PRR33: variants seen among roughly 807,000 people sequenced by gnomAD.
PRR33 encodes proline-rich protein 33.
A neutral mutation model predicts 0.5 loss-of-function variants in PRR33; 1 was observed. That is an observed-to-expected ratio of 2.18 (90% CI 0.77 to 10.34). The LOEUF (loss-of-function observed/expected upper bound fraction) is 10.34, where lower values mean the gene tolerates loss of function less well. Among genes scored for constraint, PRR33 ranks in the 30% most tolerant of loss-of-function variants. The probability of loss-of-function intolerance (pLI) is 0.13; values close to 1 mark genes in which losing one functional copy is unlikely to be tolerated. For synonymous variants in PRR33, 226 were observed against 110.0 expected (o/e 2.06, Z -6.60); for missense variants, 552 against 251.8 (o/e 2.19, Z -8.07).
exon 1 of PRR33, chr11:1,890,612 T>C (rs1192929765): frequency 4.3e-6 from 3 of 694,950 alleles, no homozygotes; most frequent in Non-Finnish European, 7.9e-6. Flanking sequence ...GGAGGGACAG[T>C]GGTCAGGCCA....
At chr11:1,898,191 A>G in the PRR33 span, among the ~76,000 whole-genome samples, 2 of 151,964 alleles carry the variant, frequency 1.3e-5, no homozygotes, top group African/African-American at 2.4e-5. Context: ...TTGTGTAACC[A>G]TAGCCTTTGG....
chr11:1,902,930 C>T, the PRR33 span, among the ~76,000 whole-genome samples: 2 of 152,242 alleles, frequency 1.3e-5, no homozygotes, highest in African/African-American at 4.8e-5. Context: ...GACGTTGCCA[C>T]GGCATCTGTA....
the PRR33 span, among the ~76,000 whole-genome samples, chr11:1,899,025 T>G: frequency 0.25 from 37,527 of 151,910 alleles, 4,703 homozygotes; most frequent in Admixed American, 0.33. Context: ...TTCACCTACA[T>G]TGGCCCTTCG....
chr11:1,896,654 G>C (rs929963429), upstream of PRR33, among the ~76,000 whole-genome samples: 2 of 152,102 alleles, frequency 1.3e-5, no homozygotes, highest in Admixed American at 1.3e-4. Context: ...CTAATTGCAC[G>C]AGCAGGAACC....
the PRR33 span, among the ~76,000 whole-genome samples, chr11:1,897,048 GAAGCA>G: frequency 2.6e-5 from 4 of 152,196 alleles, no homozygotes; most frequent in Non-Finnish European, 5.9e-5. This position sits in a 1 kb window ranked among gnomAD's most constrained non-coding sequence, Gnocchi z 4.0. Context: ...ACAGAAAACG[GAAGCA>G]AAGCACAGAA....
chr11:1,908,782 A>G, the PRR33 span, among the ~76,000 whole-genome samples: 2 of 152,068 alleles, frequency 1.3e-5, no homozygotes, highest in African/African-American at 4.8e-5. Flanking sequence ...GCCTCACATC[A>G]TTGGCATTGT....
chr11:1,898,677 G>A, the PRR33 span, among the ~76,000 whole-genome samples: 44 of 152,162 alleles, frequency 2.9e-4, 2 homozygotes, highest in Middle Eastern at 3.4e-3. Flanking sequence ...GATGTTGTTT[G>A]TGATTGATTG....
upstream of PRR33, among the ~76,000 whole-genome samples, chr11:1,892,441 T>TAA (rs990172433): frequency 7.2e-5 from 11 of 152,340 alleles, no homozygotes; most frequent in African/African-American, 2.4e-4. Context: ...TCTGGTGGCC[T>TAA]AAGTCAGAGC....
At chr11:1,904,396 G>A in the PRR33 span, among the ~76,000 whole-genome samples, 1 of 152,036 alleles carries the variant, frequency 6.6e-6, no homozygotes, top group African/African-American at 2.4e-5. Context: ...AGGCATGGTG[G>A]TGCATGCCTG....
chr11:1,905,703 C>A, the PRR33 span, among the ~76,000 whole-genome samples: 1 of 151,902 alleles, frequency 6.6e-6, no homozygotes, highest in South Asian at 2.1e-4. Flanking sequence ...ATCCTACCAC[C>A]TTGGGCTCCC....
exon 1 of PRR33, chr11:1,889,457 C>A (rs1191141284): frequency 1.6e-6 from 1 of 641,070 alleles, no homozygotes; most frequent in East Asian, 2.8e-5. Context: ...TGGGGGCAGG[C>A]ACCTCCTGCT....
exon 1 of PRR33, chr11:1,890,390 G>A (rs941420738): frequency 9.8e-6 from 7 of 716,950 alleles, no homozygotes; most frequent in Non-Finnish European, 1.8e-5. Context: ...CGGGGGACAG[G>A]GAGGTGCGGA....
chr11:1,910,272 C>T, the PRR33 span, among the ~76,000 whole-genome samples: 13 of 152,118 alleles, frequency 8.5e-5, no homozygotes, highest in Middle Eastern at 3.4e-3. Flanking sequence ...TTTTTTGAGA[C>T]GGAGTCTCGC....
At chr11:1,915,139 C>CTGTGTG in the PRR33 span, among the ~76,000 whole-genome samples, 16,055 of 128,326 alleles carry the variant, frequency 0.13, 1,058 homozygotes, top group African/African-American at 0.15. Flanking sequence ...GATGATGTTT[C>CTGTGTG]TGTGTGTGTG....
At chr11:1,913,226 G>C in the PRR33 span, among the ~76,000 whole-genome samples, 1 of 151,588 alleles carries the variant, frequency 6.6e-6, no homozygotes, top group Admixed American at 6.6e-5. Context: ...TCCCAGCTTC[G>C]CGCCATTCTC....
At chr11:1,889,226 A>AG in the PRR33 span, 1 of 675,340 alleles carries the variant, frequency 1.5e-6, no homozygotes, top group Non-Finnish European at 2.7e-6. Context: ...GGACTGTGGG[A>AG]GGGGGCCGGG....
the PRR33 span, among the ~76,000 whole-genome samples, chr11:1,903,669 G>A: frequency 3.3e-5 from 5 of 152,114 alleles, no homozygotes; most frequent in Non-Finnish European, 1.5e-5. Flanking sequence ...TGCCGCGTCC[G>A]GGACCTAACA....
At chr11:1,889,986 G>T in exon 1 of PRR33, 1 of 639,654 alleles carries the variant, frequency 1.6e-6, no homozygotes, top group Non-Finnish European at 2.9e-6. Flanking sequence ...CACTTCTGGG[G>T]CTGTCCTGGG....
At chr11:1,898,300 G>A in the PRR33 span, among the ~76,000 whole-genome samples, 27 of 151,702 alleles carry the variant, frequency 1.8e-4, no homozygotes, top group East Asian at 3.7e-3. Context: ...CGCCAGCCAT[G>A]TCTCGGCTCA....
Sources: allele counts gnomAD v4.1 joint callset (sites outside exome capture counted in the v4.1 genomes callset), GRCh38; gene constraint gnomAD v4.1.1; non-coding constraint Gnocchi (gnomAD v3.1); transcripts MANE v1.5; gene names NCBI Gene and HGNC (gene_info 2026-07-23, HGNC 2026-07-21).